The following ZGRF1 variants were observed in gnomAD, a reference collection of about 807,000 sequenced individuals.
ZGRF1 encodes the protein 5'-3' DNA helicase ZGRF1.
In ZGRF1, 196 loss-of-function variants were observed where a neutral mutation model predicts 203.5. The ratio of observed to expected loss-of-function variants is 0.96; its 90% CI spans 0.86 to 1.08. The LOEUF (loss-of-function observed/expected upper bound fraction) is 1.08. ZGRF1 is among the 50% of genes least tolerant of loss of function. The probability of loss-of-function intolerance (pLI) is 0.00; values close to 1 mark genes in which losing one functional copy is unlikely to be tolerated. For missense variants in ZGRF1, 2,326 were observed against 2,416.3 expected (o/e 0.96, Z 0.78); for synonymous variants, 809 against 841.3 (o/e 0.96, Z 0.66).
rs1266631206 is a variant in ZGRF1, at chr4:112,548,290, G to A, written c.5437C>T (p.Gln1813Ter). The A allele has an allele frequency of 1.9e-6, 3 of 1,552,318 alleles. No homozygotes were observed. The highest frequency in any genetic ancestry group is 2.0e-5 in the Admixed American group (1 of 50,998). Residue 1813 changes from glutamine to a stop codon, truncating the protein, a stop_gained, in exon 23 of 28, where the codon CAG (glutamine) becomes TAG (stop). Coordinates refer to ENST00000505019, the MANE Select transcript of ZGRF1 (RefSeq NM_018392.5). LOFTEE classifies it high-confidence loss of function. ...AGGAGAGAGGCCGGTTCAGTTATCT[G>A]ACTACACTCATCCAGCACAACTACA... The part of the protein sequence containing the change: ...FPVVVLDECS[Q>*]ITEPASLLPI...
At chr4:112,541,429 C>T (rs1315016943) in intron 24 of ZGRF1, among the ~76,000 whole-genome samples, 161 bp from the exon 25 acceptor site, 1 of 150,442 alleles carries the variant, frequency 6.6e-6, no homozygotes, top group African/African-American at 2.4e-5. Context: ...TTTTAAATTA[C>T]TAAAAATATG....
Position 112,606,063 on chromosome 4 carries a change from G to GTC in ZGRF1, c.2745_2746dup (p.Thr916ArgfsTer12). The GTC allele has an allele frequency of 6.2e-7, 1 of 1,603,958 alleles. No individual in the cohort carries two copies. The highest frequency in any genetic ancestry group is 8.5e-7 in the Non-Finnish European group (1 of 1,175,008). On this transcript the variant is annotated frameshift_variant, in exon 9 of 28. Coordinates refer to ENST00000505019, the MANE Select transcript of ZGRF1 (RefSeq NM_018392.5). LOFTEE classifies it high-confidence loss of function. ...TTTAGGAATAACAGCTTGAAAAGCA[G>GTC]TCTCTTCTTTACTTCCCGAGGAAGA... is the stretch of plus-strand genomic sequence containing the variant.
chr4:112,583,339 T>C (rs1451291780), intron 15 of ZGRF1, among the ~76,000 whole-genome samples: 1 of 152,234 alleles, frequency 6.6e-6, no homozygotes, highest in African/African-American at 2.4e-5. Context: ...CACTTATTTA[T>C]TATGCCACAC....
chr4:112,566,597 T>TA lies in ZGRF1; in HGVS notation c.4439-3324dup, dbSNP rs1248012982. 3.3e-5 allele frequency among the ~76,000 whole-genome samples: 5 copies of TA among 151,986 alleles called. No individual in the cohort carries two copies. In the East Asian group the frequency reaches 9.6e-4, roughly 29 times the overall value. ...ACAATGCTCAAAAACACTTTTGAAT[T>TA]AAAAAAATAAAGATATAGGGGATTC... On this transcript the variant is annotated intron_variant, in intron 16 of 27. Coordinates refer to ENST00000505019, the MANE Select transcript of ZGRF1 (RefSeq NM_018392.5).
At chr4:112,559,219 G>C (rs1039690008) in intron 19 of ZGRF1, among the ~76,000 whole-genome samples, 8 of 151,994 alleles carry the variant, frequency 5.3e-5, no homozygotes, top group African/African-American at 1.9e-4. Context: ...TTTGTTTTGA[G>C]ACAGGGTCTG....
chr4:112,626,453 C>G (rs1381486805), intron 3 of ZGRF1, among the ~76,000 whole-genome samples: 1 of 152,188 alleles, frequency 6.6e-6, no homozygotes, highest in Non-Finnish European at 1.5e-5. Flanking sequence ...TATCTCCATT[C>G]TCGCCCTTGC....
intron 7 of ZGRF1, chr4:112,610,871 G>A (rs1751474925): frequency 4.7e-6 from 1 of 211,746 alleles, no homozygotes; most frequent in Non-Finnish European, 9.7e-6. Flanking sequence ...AATAATGTAA[G>A]ATAATACAAC....
At chr4:112,564,299 G>A (rs972447039) in intron 16 of ZGRF1, among the ~76,000 whole-genome samples, 5 of 152,186 alleles carry the variant, frequency 3.3e-5, no homozygotes, top group African/African-American at 1.2e-4. Context: ...TGTGAATCTT[G>A]TGATATTAAA....
chr4:112,621,929 T>G (rs916107419), intron 4 of ZGRF1, among the ~76,000 whole-genome samples: 8 of 151,184 alleles, frequency 5.3e-5, no homozygotes, highest in Non-Finnish European at 1.2e-4. Flanking sequence ...GGTTTCTCCA[T>G]GTTGGTCAGG....
chr4:112,561,153 T>C (rs1741900465), intron 18 of ZGRF1, 158 bp from the exon 19 acceptor site: 1 of 618,382 alleles, frequency 1.6e-6, no homozygotes, highest in South Asian at 2.0e-5. Flanking sequence ...AATGGATACA[T>C]ACTCCAATAT....
chr4:112,578,498 A>G (rs1392053921), intron 16 of ZGRF1, among the ~76,000 whole-genome samples: 1 of 120,634 alleles, frequency 8.3e-6, no homozygotes, highest in African/African-American at 2.9e-5. Context: ...TTTTTTGAAA[A>G]GATCAACAAA....
At chr4:112,553,034 G>A (rs1329166724) in intron 22 of ZGRF1, among the ~76,000 whole-genome samples, 1 of 152,198 alleles carries the variant, frequency 6.6e-6, no homozygotes, top group Non-Finnish European at 1.5e-5. Flanking sequence ...ATAAGCTGTT[G>A]TCTTAAAGTA....
chr4:112,599,872 T>C, intron 10 of ZGRF1, among the ~76,000 whole-genome samples: 1 of 152,138 alleles, frequency 6.6e-6, no homozygotes, highest in Non-Finnish European at 1.5e-5. Flanking sequence ...TTTCAATAAA[T>C]GGTGCTGGGT....
chr4:112,541,592 G>C (rs1297588843), intron 24 of ZGRF1, among the ~76,000 whole-genome samples: 1 of 148,802 alleles, frequency 6.7e-6, no homozygotes, highest in East Asian at 2.0e-4. Flanking sequence ...GCAATGGCAT[G>C]ATCTCGGCTC....
At chr4:112,615,041 G>A (rs566069009) in intron 6 of ZGRF1, among the ~76,000 whole-genome samples, 8 of 152,174 alleles carry the variant, frequency 5.3e-5, no homozygotes, top group East Asian at 1.9e-4. Flanking sequence ...ACAAGGTTAC[G>A]TATTCATAAA....
At position 112,584,191 on chromosome 4, in the gene ZGRF1, A is replaced by G; in HGVS notation, c.4102-17T>C. The G allele has an allele frequency of 1.3e-6, 2 of 1,523,472 alleles. No individual in the cohort carries two copies. The highest frequency in any genetic ancestry group is 1.3e-5 in the South Asian group (1 of 79,536). The allele number at this position is 1,523,472 out of a possible 1,614,324, so 94.4% of individuals were successfully genotyped here. A position where few individuals can be genotyped will look rare whatever the true frequency, so the allele number is the denominator to read the frequency against. On this transcript the variant is annotated splice_polypyrimidine_tract_variant and intron_variant, in intron 14 of 27. Coordinates refer to ENST00000505019, the MANE Select transcript of ZGRF1 (RefSeq NM_018392.5). ...GAGACGACCCTAAGGGGAAAGAAAA[A>G]AGATCAACATTTAGTGAAAAAAATG...
At chr4:112,573,897 A>G (rs1744671456) in intron 16 of ZGRF1, among the ~76,000 whole-genome samples, 1 of 152,204 alleles carries the variant, frequency 6.6e-6, no homozygotes, top group Non-Finnish European at 1.5e-5. Context: ...AAACACATGT[A>G]ACTAAAAAAC....
At chr4:112,607,284 A>G (rs1409759286) in intron 8 of ZGRF1, among the ~76,000 whole-genome samples, 2 of 152,048 alleles carry the variant, frequency 1.3e-5, no homozygotes, top group African/African-American at 4.8e-5. Context: ...CCACCATGCC[A>G]CCTAATTATT....
intron 24 of ZGRF1, 130 bp from the exon 25 acceptor site, chr4:112,541,398 T>C (rs984015771): frequency 7.5e-6 from 3 of 397,580 alleles, no homozygotes; most frequent in Non-Finnish European, 1.3e-5. Context: ...CATGATAGAA[T>C]AGACTATAAA....
Sources: allele counts gnomAD v4.1 joint callset (sites outside exome capture counted in the v4.1 genomes callset), GRCh38; gene constraint gnomAD v4.1.1; transcripts MANE v1.5; gene names NCBI Gene and HGNC (gene_info 2026-07-23, HGNC 2026-07-21).